VPS13D: variants seen among roughly 807,000 people sequenced by gnomAD.
VPS13D encodes intermembrane lipid transfer protein VPS13D.
Under a neutral mutation model 461.9 loss-of-function variants are expected in VPS13D, and 187 were observed. The observed-to-expected ratio is 0.40, with a 90% CI of 0.36 to 0.46. The LOEUF (loss-of-function observed/expected upper bound fraction) is 0.46, where lower values mean the gene tolerates loss of function less well. VPS13D is among the 20% of genes least tolerant of loss of function. VPS13D has a pLI of 0.60. For synonymous variants in VPS13D, 1,951 were observed against 1,986.3 expected (o/e 0.98, Z 0.47); for missense variants, 4,711 against 5,364.9 (o/e 0.88, Z 3.81).
chr1:12,259,313 C>CTTT (rs1422676674), intron 10 of VPS13D, among the ~76,000 whole-genome samples: 7 of 146,244 alleles, frequency 4.8e-5, no homozygotes, highest in African/African-American at 1.3e-4. Context: ...CCAGCCTACT[C>CTTT]TTTTTATTTT....
intron 60 of VPS13D, among the ~76,000 whole-genome samples, chr1:12,396,197 G>C (rs1246679871): frequency 6.6e-6 from 1 of 151,590 alleles, no homozygotes; most frequent in African/African-American, 2.4e-5. Context: ...TCTGGCTGCT[G>C]GAGTGTCTGC....
chr1:12,274,488 T>C (rs1054348765), intron 18 of VPS13D, among the ~76,000 whole-genome samples: 7 of 152,080 alleles, frequency 4.6e-5, no homozygotes, highest in African/African-American at 9.7e-5. Context: ...ATTTTTGTAT[T>C]TTTAGTAGAG....
chr1:12,414,937 TTATAGGG>T, intron 63 of VPS13D, 143 bp from the exon 64 acceptor site: 1 of 862,370 alleles, frequency 1.2e-6, no homozygotes, highest in South Asian at 2.0e-5. Flanking sequence ...ACTTTTATAG[TTATAGGG>T]AAAATCCTTA....
At chr1:12,377,059 CTT>C (rs1450796027) in intron 55 of VPS13D, among the ~76,000 whole-genome samples, 1 of 150,994 alleles carries the variant, frequency 6.6e-6, no homozygotes, top group Non-Finnish European at 1.5e-5. Flanking sequence ...TTCTTTTTTT[CTT>C]TCTTTTTTTT....
At chr1:12,367,587 T>TTTATTTATTTATTTAC (rs1218918761) in intron 52 of VPS13D, 3 of 151,930 alleles carry the variant, frequency 2.0e-5, no homozygotes, top group African/African-American at 7.2e-5. Flanking sequence ...TATTTATTTA[T>TTTATTTATTTATTTAC]TTTTGGAAAC....
chr1:12,283,257 C>T lies in VPS13D; in HGVS notation c.5155C>T (p.Pro1719Ser). 6.2e-7 allele frequency: 1 copy of T among 1,614,104 alleles called. No homozygotes were observed. Among genetic ancestry groups the T allele is most frequent in the Non-Finnish European group, 8.5e-7 (1 of 1,180,028 alleles). The change falls in exon 21 of 70, where the codon CCT becomes TCT. Residue 1719 changes from proline to serine, a missense_variant. This residue lies in a region of VPS13D where 4,411 missense variants were observed against 4,937.8 expected (regional missense o/e 0.89). Coordinates refer to ENST00000620676, the MANE Select transcript of VPS13D (RefSeq NM_015378.4). ...SCPSVSNVEY[P>S]DMPRSLPSHM... is the part of the protein sequence containing the mutation. The stretch of plus-strand genomic sequence containing the variant: ...CCCCTCAGTGTCCAATGTGGAATAT[C>T]CTGATATGCCTCGGTCTCTCCCTTC...
chr1:12,499,476 A>G (rs963257622), intron 68 of VPS13D: 13 of 985,276 alleles, frequency 1.3e-5, no homozygotes, highest in African/African-American at 1.7e-5. Flanking sequence ...ATTTGTTTGC[A>G]ATAGAAGAAA....
At chr1:12,338,172 G>A (rs1643490450) in intron 39 of VPS13D, 59 bp from the exon 40 acceptor site, 8 of 1,460,406 alleles carry the variant, frequency 5.5e-6, no homozygotes, top group Non-Finnish European at 6.7e-6. Flanking sequence ...TTGGAAGCAA[G>A]TCTTCTTATT....
At chr1:12,243,639 A>C (rs1026910640) in intron 3 of VPS13D, among the ~76,000 whole-genome samples, 13 of 152,294 alleles carry the variant, frequency 8.5e-5, no homozygotes, top group African/African-American at 2.6e-4. Flanking sequence ...GAACATAAAG[A>C]AAGCTTGTAT....
chr1:12,242,699 T>C, intron 3 of VPS13D, 109 bp downstream of exon 3: 10 of 814,416 alleles, frequency 1.2e-5, no homozygotes, highest in Non-Finnish European at 1.8e-5. Flanking sequence ...AGGAAGGATA[T>C]AGCAAATGTT....
chr1:12,430,590 G>A (rs947339892), intron 65 of VPS13D, among the ~76,000 whole-genome samples: 2 of 152,188 alleles, frequency 1.3e-5, no homozygotes, highest in Non-Finnish European at 2.9e-5. Context: ...TGCCAAGACC[G>A]TGCAGTCAGT....
chr1:12,288,198 C>T lies in VPS13D; in HGVS notation c.5635-25C>T, dbSNP rs761172880. On this transcript the variant is annotated intron_variant, in intron 21 of 69. Coordinates refer to ENST00000620676, the MANE Select transcript of VPS13D (RefSeq NM_015378.4). ...ACCTTTTCTCCCCAGTAATATTGGC[C>T]TTGCTTTATCTTGTCTGTTCCTAGG... 2.0e-5 allele frequency: 32 copies of T among 1,588,104 alleles called. No individual in the cohort carries two copies. In the Middle Eastern group the frequency reaches 5.0e-4, roughly 25 times the overall value.
At chr1:12,364,472 C>T (rs1644001053) in intron 52 of VPS13D, among the ~76,000 whole-genome samples, 1 of 152,206 alleles carries the variant, frequency 6.6e-6, no homozygotes, top group Admixed American at 6.5e-5. Flanking sequence ...GTTCAAGACC[C>T]TGCTTTCAGT....
intron 36 of VPS13D, 29 bp downstream of exon 36, chr1:12,327,883 T>C: frequency 3.7e-6 from 6 of 1,606,726 alleles, no homozygotes; most frequent in Non-Finnish European, 5.1e-6. Context: ...TTCAGATTCA[T>C]CTTGAATATT....
intron 32 of VPS13D, 22 bp from the exon 33 acceptor site, chr1:12,321,787 C>T: frequency 6.3e-7 from 1 of 1,588,164 alleles, no homozygotes; most frequent in Non-Finnish European, 8.5e-7. Flanking sequence ...TAATTCTCGC[C>T]ATATTGCATT....
intron 40 of VPS13D, among the ~76,000 whole-genome samples, chr1:12,340,541 G>T (rs1170627282): frequency 6.6e-6 from 1 of 152,222 alleles, no homozygotes; most frequent in African/African-American, 2.4e-5. Context: ...CCCAGCCTCA[G>T]TCTGGAGGTT....
At chr1:12,375,766 C>T (rs1644189218) in intron 55 of VPS13D, among the ~76,000 whole-genome samples, 1 of 152,212 alleles carries the variant, frequency 6.6e-6, no homozygotes, top group South Asian at 2.1e-4. Flanking sequence ...GGCTTCAGCC[C>T]CTGCTCTGGG....
rs537546768 is a variant in VPS13D at position 12,352,726 on chromosome 1, A to G, written c.9432-1248A>G. On this transcript the variant is annotated intron_variant, in intron 46 of 69. Coordinates refer to ENST00000620676, the MANE Select transcript of VPS13D (RefSeq NM_015378.4). ...ACACCTGTAATCCCAGCACTTTGGG[A>G]GGCCAAGGTGGGGGATCACCTGAAG... is the stretch of plus-strand genomic sequence containing the variant. Among the ~76,000 whole-genome samples, 153 of 152,252 alleles carry G rather than the reference A, an allele frequency of 1.0e-3. 1 individual carries two copies. Among genetic ancestry groups the G allele is most frequent in the Admixed American group, 1.8e-3 (28 of 15,288 alleles).
At chr1:12,230,926 G>T (rs891797545) in intron 1 of VPS13D, among the ~76,000 whole-genome samples, 5 of 152,140 alleles carry the variant, frequency 3.3e-5, no homozygotes, top group Admixed American at 3.3e-4. Context: ...AGGGTTGTGG[G>T]AGCGTCGCCT....
Sources: gnomAD v4.1 joint callset for allele counts (sites outside exome capture counted in the v4.1 genomes callset) on GRCh38, gnomAD v4.1.1 for gene constraint, gnomAD v4.1.1 regional missense constraint, MANE v1.5 for transcripts, NCBI Gene and HGNC (gene_info 2026-07-23, HGNC 2026-07-21) for gene names.